SPAG6: variants seen among roughly 807,000 people sequenced by gnomAD.
The protein encoded by SPAG6 is sperm-associated antigen 6.
In SPAG6, 49 loss-of-function variants were observed where a neutral mutation model predicts 58.5. The observed-to-expected ratio is 0.84, with a 90% confidence interval of 0.67 to 1.06. The LOEUF (loss-of-function observed/expected upper bound fraction) is 1.06, where lower values mean the gene tolerates loss of function less well. Ranked by LOEUF, SPAG6 falls within the 50% of genes least tolerant of loss-of-function variation. SPAG6 has a pLI of 0.00. For synonymous variants in SPAG6, 233 were observed against 225.6 expected, an observed-to-expected ratio of 1.03 and a Z score of -0.29; for missense variants, 560 against 611.3, an observed-to-expected ratio of 0.92 and a Z score of 0.89.
chr10:22,354,988 C>A (rs1167786740), intron 2 of SPAG6, among the ~76,000 whole-genome samples: 1 of 146,622 alleles, frequency 6.8e-6, no homozygotes. Flanking sequence ...AACGAGACTC[C>A]GTCTCAAAAA....
At chr10:22,359,876 T>C (rs1836986371) in intron 2 of SPAG6, among the ~76,000 whole-genome samples, 1 of 152,126 alleles carries the variant, frequency 6.6e-6, no homozygotes, top group African/African-American at 2.4e-5. Context: ...TAGGTAAACG[T>C]TGTTGGGGGG....
chr10:22,397,534 T>C (rs1834325162), intron 8 of SPAG6, among the ~76,000 whole-genome samples: 1 of 152,218 alleles, frequency 6.6e-6, no homozygotes, highest in Non-Finnish European at 1.5e-5. Context: ...CAGGCTTGTC[T>C]TGAACTCCTG....
chr10:22,387,804 T>G lies in SPAG6; in HGVS notation c.679-19T>G, dbSNP rs779945613. On this transcript the variant is annotated intron_variant, in intron 5 of 10. Transcript: ENST00000376624. ...GCTATATAGTGTTTTGTTGTTGTTG[T>G]TTTTTTTTTGCTTCACAGCATCAGA... is the stretch of plus-strand genomic sequence containing the variant. 15 of 1,401,042 alleles carry G rather than the reference T, an allele frequency of 1.1e-5. No homozygotes were observed. Among genetic ancestry groups the G allele is most frequent in the African/African-American group, 1.0e-4 (7 of 67,908 alleles). The allele number at this position is 1,401,042 out of a possible 1,614,324, so 86.8% of individuals were successfully genotyped here.
At position 22,345,793 on chromosome 10, in the gene SPAG6, A is replaced by C; in HGVS notation, c.96A>C (p.Gln32His). The change falls in exon 2 of 11, where the codon CAA (glutamine) becomes CAC (histidine). Residue 32 changes from glutamine to histidine, a missense_variant. By Grantham distance (24) the Gln-to-His change is conservative. Coordinates refer to ENST00000376624, the MANE Select transcript of SPAG6 (RefSeq NM_012443.4). This position sits in a 1 kb window ranked among gnomAD's most constrained non-coding sequence, Gnocchi z 6.3. ...TGGCGGAGCTGGCGACTAGACCCCA[A>C]AACATCGAGACGCTGCAGAACGCGG... ...QMVAELATRP[Q>H]NIETLQNAGV... The C allele has an allele frequency of 6.2e-7, 1 of 1,613,606 alleles. No individual in the cohort carries two copies. Among genetic ancestry groups the C allele is most frequent in the Admixed American group, 1.7e-5 (1 of 59,992 alleles).
In SPAG6 at chr10:22,387,076, G is replaced by T. The variant is rs746945078; in HGVS notation, c.678+117G>T. The T allele has an allele frequency of 6.8e-6, 5 of 731,004 alleles. No individual in the cohort carries two copies. In the African/African-American group the frequency reaches 8.9e-5, roughly 13 times the overall value. The allele number at this position is 731,004 out of a possible 1,614,324, so 45.3% of individuals were successfully genotyped here. On this transcript the variant is annotated intron_variant, in intron 5 of 10. Coordinates refer to ENST00000376624, the MANE Select transcript of SPAG6 (RefSeq NM_012443.4). ...AATTAGCAAATTATCATTGAAAACA[G>T]ATATGAATATATTATGTATTTGGTC...
rs112245473 is a variant in SPAG6, at chr10:22,391,734, A to G, written c.1011A>G (p.Val337=). The change falls in exon 8 of 11, where the codon GTA becomes GTG. Residue 337 remains valine, a synonymous_variant. Transcript: ENST00000376624. ...TCTTTTGATCCACGCTGCAGGGTGT[A>G]CCCCAGTTGTCAGTCTGCTTGTCAG... ...LAMAVIISKG[V]PQLSVCLSEE... is the part of the protein sequence containing the mutation. 946 of 1,613,294 alleles carry G rather than the reference A, an allele frequency of 5.9e-4. 10 individuals carry two copies. The African/African-American group carries it at 6.6e-3, about 11-fold the overall frequency.
intron 4 of SPAG6, among the ~76,000 whole-genome samples, chr10:22,372,968 A>C (rs1293096365): frequency 6.6e-6 from 1 of 152,232 alleles, no homozygotes; most frequent in East Asian, 1.9e-4. Flanking sequence ...ACTGCTCAAC[A>C]CTTCCAGAGA....
intron 9 of SPAG6, among the ~76,000 whole-genome samples, chr10:22,406,237 C>G (rs567034041): frequency 6.6e-5 from 10 of 152,140 alleles, no homozygotes; most frequent in Non-Finnish European, 1.0e-4. Flanking sequence ...GTTAGGGTGT[C>G]AATTTTGGAT....
chr10:22,369,891 A>G (rs1465450788), intron 4 of SPAG6, among the ~76,000 whole-genome samples: 1 of 152,232 alleles, frequency 6.6e-6, no homozygotes, highest in Admixed American at 6.5e-5. Context: ...TATTAAAGTC[A>G]TTGCCCTAAA....
At chr10:22,395,984 G>T (rs1310306412) in intron 8 of SPAG6, among the ~76,000 whole-genome samples, 1 of 152,210 alleles carries the variant, frequency 6.6e-6, no homozygotes, top group Non-Finnish European at 1.5e-5. Context: ...TGATGAAGAA[G>T]TTTAATTGAC....
chr10:22,398,783 G>C (rs1044036892), intron 8 of SPAG6, among the ~76,000 whole-genome samples: 2 of 152,122 alleles, frequency 1.3e-5, no homozygotes, highest in Non-Finnish European at 2.9e-5. Context: ...CACAAACTTG[G>C]AGAAAATATT....
rs149021863 is a variant in SPAG6 at position 22,405,791 on chromosome 10, A to G, written c.1314+4514A>G. Among the ~76,000 whole-genome samples, 1,276 of 152,298 alleles carry G rather than the reference A, an allele frequency of 8.4e-3. 10 individuals are homozygous for G. Among genetic ancestry groups the G allele is most frequent in the Non-Finnish European group, 0.012 (803 of 68,028 alleles). ...TTGGACTCTTTTTGGTTCGTAAGCTATTGATTATTGCCACAATTTCAGATC... is the reference window on the plus strand; with the variant it reads ...TTGGACTCTTTTTGGTTCGTAAGCTGTTGATTATTGCCACAATTTCAGATC... On this transcript the variant is annotated intron_variant, in intron 9 of 10. Coordinates refer to ENST00000376624, the MANE Select transcript of SPAG6 (RefSeq NM_012443.4).
rs142654988 is a variant in SPAG6, at chr10:22,350,732, A to C, written c.121+4914A>C. Among the ~76,000 whole-genome samples the C allele has an allele frequency of 1.2e-4, 19 of 152,286 alleles. No homozygotes were observed. In the East Asian group the frequency reaches 3.7e-3, roughly 29 times the overall value. ...TTGCCTGAGCCCTCACAGTAAATTA[A>C]ATCTCTTGGTTTATGGTACCCTTGC... is the stretch of plus-strand genomic sequence containing the variant. On this transcript the variant is annotated intron_variant, in intron 2 of 10. Coordinates refer to ENST00000376624, the MANE Select transcript of SPAG6 (RefSeq NM_012443.4).
intron 2 of SPAG6, chr10:22,360,996 T>C: frequency 1.6e-6 from 1 of 636,384 alleles, no homozygotes; most frequent in East Asian, 2.7e-5. Flanking sequence ...AAAGTCTCCA[T>C]GTTTAATATG....
chr10:22,410,434 A>G (rs1024869038), intron 9 of SPAG6, among the ~76,000 whole-genome samples: 2 of 152,114 alleles, frequency 1.3e-5, no homozygotes, highest in African/African-American at 4.8e-5. Context: ...AAAGGACTCA[A>G]CTCATCCTGG....
chr10:22,347,656 C>G (rs1336350209), intron 2 of SPAG6, among the ~76,000 whole-genome samples: 1 of 152,118 alleles, frequency 6.6e-6, no homozygotes, highest in Non-Finnish European at 1.5e-5. Flanking sequence ...GGCAGGTTAG[C>G]TCCTCCCATA....
intron 4 of SPAG6, among the ~76,000 whole-genome samples, 155 bp from the exon 5 acceptor site, chr10:22,386,599 G>A (rs1834068400): frequency 6.6e-6 from 1 of 152,118 alleles, no homozygotes; most frequent in Admixed American, 6.6e-5. Flanking sequence ...GGTCCACATG[G>A]TTTATGAAAC....
rs1017806574 is a variant in SPAG6, at chr10:22,362,809, C to A, written c.122-2044C>A. Among the ~76,000 whole-genome samples the A allele has an allele frequency of 2.0e-5, 3 of 151,930 alleles. No homozygotes were observed. The South Asian group carries it at 6.3e-4, about 32-fold the overall frequency. ...ACAATGTCAGCCCAAGCCCTGTGCC[C>A]AATTCAAAAATGGTCACAGGGCTTG... On this transcript the variant is annotated intron_variant, in intron 2 of 10. Coordinates refer to ENST00000376624, the MANE Select transcript of SPAG6 (RefSeq NM_012443.4).
intron 8 of SPAG6, among the ~76,000 whole-genome samples, chr10:22,399,853 A>G (rs931923977): frequency 6.6e-6 from 1 of 152,240 alleles, no homozygotes; most frequent in Non-Finnish European, 1.5e-5. Context: ...TCACGATTTA[A>G]GATAGTTCCC....
Sources: allele counts gnomAD v4.1 joint callset (sites outside exome capture counted in the v4.1 genomes callset), GRCh38; gene constraint gnomAD v4.1.1; non-coding constraint Gnocchi (gnomAD v3.1); transcripts MANE v1.5; gene names NCBI Gene and HGNC (gene_info 2026-07-23, HGNC 2026-07-21).